The following PALM2AKAP2 variants were observed in gnomAD, a reference collection of about 807,000 sequenced individuals.
The protein encoded by PALM2AKAP2 is PALM2-AKAP2 fusion protein.
In PALM2AKAP2, 37 loss-of-function variants were observed where a neutral mutation model predicts 71.5. That is an observed-to-expected ratio of 0.52 (90% CI 0.40 to 0.68). The LOEUF (loss-of-function observed/expected upper bound fraction) is 0.68. Among genes scored for constraint, PALM2AKAP2 ranks in the 30% least tolerant of loss-of-function variants. The pLI is 0.00. For missense variants in PALM2AKAP2, 1,224 were observed against 1,191.8 expected (o/e 1.03, Z -0.40); for synonymous variants, 468 against 478.8 (o/e 0.98, Z 0.29).
intron 1 of PALM2AKAP2, among the ~76,000 whole-genome samples, chr9:109,798,508 G>A (rs115204338): frequency 6.6e-6 from 1 of 152,126 alleles, no homozygotes; most frequent in Non-Finnish European, 1.5e-5. Context: ...ATAACCCTCT[G>A]TCTCCTGTCA....
At chr9:110,064,690 G>C (rs1257101645) in intron 1 of PALM2AKAP2, among the ~76,000 whole-genome samples, 1 of 152,198 alleles carries the variant, frequency 6.6e-6, no homozygotes, top group Non-Finnish European at 1.5e-5. Context: ...CTCTGTCATC[G>C]CAGGAATCCC....
At chr9:109,819,019 C>T (rs2131478133) in intron 1 of PALM2AKAP2, among the ~76,000 whole-genome samples, 1 of 152,226 alleles carries the variant, frequency 6.6e-6, no homozygotes, top group Non-Finnish European at 1.5e-5. Context: ...GGAAAAAAAT[C>T]CTTTGCAGAG....
chr9:109,904,873 G>A (rs1393451178), intron 3 of PALM2AKAP2, among the ~76,000 whole-genome samples: 1 of 152,174 alleles, frequency 6.6e-6, no homozygotes, highest in Non-Finnish European at 1.5e-5. Flanking sequence ...GTCTCTGGGT[G>A]GATTTTAAGT....
intron 6 of PALM2AKAP2, among the ~76,000 whole-genome samples, chr9:109,970,703 G>A (rs1162221029): frequency 6.6e-6 from 1 of 152,208 alleles, no homozygotes; most frequent in Non-Finnish European, 1.5e-5. Flanking sequence ...TTACTCATCT[G>A]TCCAATTAGG....
chr9:109,759,587 A>G (rs10816860), intron 1 of PALM2AKAP2, among the ~76,000 whole-genome samples: 1,734 of 152,260 alleles, frequency 0.011, 8 homozygotes, highest in East Asian at 0.019. Context: ...CAAACAAACA[A>G]CAACAACAAC....
exon 2 of PALM2AKAP2, chr9:110,137,457 G>A: frequency 6.2e-7 from 1 of 1,614,074 alleles, no homozygotes; most frequent in Non-Finnish European, 8.5e-7. Flanking sequence ...GGAAGCCAGG[G>A]CAACACAGCC....
At chr9:109,997,881 T>C (rs1397296615) in intron 6 of PALM2AKAP2, among the ~76,000 whole-genome samples, 6 of 152,228 alleles carry the variant, frequency 3.9e-5, no homozygotes, top group African/African-American at 1.4e-4. Flanking sequence ...CCCCATCAGC[T>C]TATCCTGGGG....
intron 6 of PALM2AKAP2, among the ~76,000 whole-genome samples, chr9:110,012,625 G>A (rs947788497): frequency 6.6e-6 from 1 of 152,114 alleles, no homozygotes; most frequent in African/African-American, 2.4e-5. Context: ...AACTAAAATA[G>A]CATTTTTAAA....
chr9:109,926,395 AG>A, intron 5 of PALM2AKAP2, among the ~76,000 whole-genome samples: 1 of 152,302 alleles, frequency 6.6e-6, no homozygotes, highest in East Asian at 1.9e-4. Context: ...GTCATGTCCA[AG>A]CTAGCAAGGA....
rs541593027 is a variant in PALM2AKAP2 at position 109,819,542 on chromosome 9, T to A, written c.45+39009T>A. 4.0e-4 allele frequency among the ~76,000 whole-genome samples: 61 copies of A among 152,238 alleles called. No homozygotes were observed. The South Asian group carries it at 7.7e-3, about 19-fold the overall frequency. On this transcript the variant is annotated intron_variant, in intron 1 of 9. Transcript: ENST00000302798. ...ATGTCCATTTATGTCTTTTACCTTA[T>A]CATTTTCTTTTACCTTATCATGGAC...
rs369147393 is a variant in PALM2AKAP2, at chr9:110,091,746, G to A, written c.156+42891G>A. 2.0e-3 allele frequency among the ~76,000 whole-genome samples: 311 copies of A among 152,232 alleles called. 2 individuals are homozygous for A. The highest frequency in any genetic ancestry group is 7.1e-3 in the African/African-American group (294 of 41,546). ...CAAAGTGCCGGGATTACAGGTGTGA[G>A]CCACCGCGCCCAGCCAAGATTTATT... On this transcript the variant is annotated intron_variant, in intron 1 of 3. Coordinates refer to ENST00000374525, the Ensembl canonical transcript of PALM2AKAP2.
chr9:109,930,302 T>C (rs1455805223), intron 5 of PALM2AKAP2, among the ~76,000 whole-genome samples: 5 of 152,090 alleles, frequency 3.3e-5, no homozygotes, highest in Non-Finnish European at 7.4e-5. Flanking sequence ...CTTGGCTCAC[T>C]GCAACCTCCG....
At chr9:109,946,207 G>A (rs1831500566) in intron 6 of PALM2AKAP2, 1 of 152,178 alleles carries the variant, frequency 6.6e-6, no homozygotes, top group African/African-American at 2.4e-5. Context: ...ATGGAGCTGT[G>A]ATTATGAACA....
rs1320164117 is a variant in PALM2AKAP2, at chr9:109,747,678, T to A, written c.6-32810T>A. Among the ~76,000 whole-genome samples, 4 of 149,454 alleles carry A rather than the reference T, an allele frequency of 2.7e-5. No individual in the cohort carries two copies. In the East Asian group the frequency reaches 7.8e-4, roughly 29 times the overall value. ...ATACTGTAACTCCATAATTTTTTTC[T>A]TTTTTTTTTGAGACAGAGTCTCACT... On this transcript the variant is annotated intron_variant, in intron 1 of 6. Transcript: ENST00000374531.
At chr9:109,739,451 T>G (rs139536967) in intron 1 of PALM2AKAP2, among the ~76,000 whole-genome samples, 40 of 152,338 alleles carry the variant, frequency 2.6e-4, no homozygotes, top group African/African-American at 8.2e-4. Context: ...GCTGAACTAT[T>G]CCTTGGTATA....
At chr9:110,006,373 C>CTTTCTTG (rs1832787036) in intron 6 of PALM2AKAP2, among the ~76,000 whole-genome samples, 1 of 25,008 alleles carries the variant, frequency 4.0e-5, no homozygotes, top group Admixed American at 4.7e-4. Flanking sequence ...TTTCTTTCTT[C>CTTTCTTG]TCTCTTTCTT....
intron 1 of PALM2AKAP2, among the ~76,000 whole-genome samples, chr9:109,690,813 C>T (rs1015838767): frequency 6.6e-6 from 1 of 152,120 alleles, no homozygotes; most frequent in Non-Finnish European, 1.5e-5. Flanking sequence ...ACATCCTATA[C>T]CTTTAAAGAT....
At chr9:110,097,961 C>T (rs1217354827) in intron 1 of PALM2AKAP2, among the ~76,000 whole-genome samples, 1 of 143,272 alleles carries the variant, frequency 7.0e-6, no homozygotes, top group Non-Finnish European at 1.5e-5. Flanking sequence ...GAGCTGGAGA[C>T]CAGCCCGGCC....
chr9:109,665,095 T>C (rs547600638), intron 1 of PALM2AKAP2, among the ~76,000 whole-genome samples: 1 of 152,336 alleles, frequency 6.6e-6, no homozygotes, highest in Non-Finnish European at 1.5e-5. Flanking sequence ...TAATCTTTTT[T>C]CAAAGTTTTT....
Sources: gnomAD v4.1 joint callset for allele counts (sites outside exome capture counted in the v4.1 genomes callset) on GRCh38, gnomAD v4.1.1 for gene constraint, MANE v1.5 for transcripts, NCBI Gene and HGNC (gene_info 2026-07-23, HGNC 2026-07-21) for gene names.